Variants in PDZD2 observed in about 807,000 individuals in gnomAD.
PDZD2 encodes PDZ domain-containing protein 2.
Under a neutral mutation model 220.7 loss-of-function variants are expected in PDZD2, and 90 were observed. The ratio of observed to expected loss-of-function variants is 0.41; its 90% confidence interval spans 0.34 to 0.49. The LOEUF (loss-of-function observed/expected upper bound fraction) is 0.49. Ranked by LOEUF, PDZD2 falls within the 20% of genes least tolerant of loss-of-function variation. PDZD2 has a pLI of 0.28. For missense variants in PDZD2, 3,174 were observed against 3,608.5 expected (o/e 0.88, Z 3.08); for synonymous variants, 1,375 against 1,450.5 (o/e 0.95, Z 1.18).
intron 2 of PDZD2, among the ~76,000 whole-genome samples, chr5:31,850,204 G>GTA (rs1757951438): frequency 1.1e-5 from 1 of 91,216 alleles, no homozygotes; most frequent in South Asian, 3.3e-4. Context: ...GTATATATAA[G>GTA]TATATATGTG....
Position 32,087,474 on chromosome 5 carries a change from A to G in PDZD2, c.4026A>G (p.Gly1342=), listed in dbSNP as rs752422605. The G allele has an allele frequency of 2.2e-5, 35 of 1,613,600 alleles. No individual in the cohort carries two copies. The Admixed American group carries it at 5.8e-4, about 27-fold the overall frequency. The part of the protein sequence containing the change: ...GMTPAGAVLP[G]DPLTSQEQRQ... ...CACCAGCTGGTGCTGTCCTGCCAGG[A>G]GACCCCCTCACATCCCAGGAGCAGA... Residue 1342 remains glycine, a synonymous_variant, in exon 20 of 25, where the codon GGA becomes GGG. Coordinates refer to ENST00000438447, the MANE Select transcript of PDZD2 (RefSeq NM_178140.4). The surrounding 1 kb of genome is among the most constrained non-coding windows in gnomAD (Gnocchi z 4.0).
At chr5:31,821,432 G>A (rs927508000) in intron 2 of PDZD2, among the ~76,000 whole-genome samples, 1 of 151,408 alleles carries the variant, frequency 6.6e-6, no homozygotes. Context: ...CAAGGCTGAA[G>A]TGCAATGGCG....
chr5:31,695,622 C>G (rs532605210), intron 1 of PDZD2, among the ~76,000 whole-genome samples: 2 of 152,294 alleles, frequency 1.3e-5, no homozygotes, highest in Admixed American at 1.3e-4. Flanking sequence ...ATTTTGTGCC[C>G]AAGGCCCTCT....
chr5:31,643,465 A>G (rs1253469927), intron 1 of PDZD2, among the ~76,000 whole-genome samples: 1 of 152,164 alleles, frequency 6.6e-6, no homozygotes, highest in Non-Finnish European at 1.5e-5. Context: ...TCTGTCCTCC[A>G]TGGTTTGGAA....
intron 1 of PDZD2, among the ~76,000 whole-genome samples, chr5:31,769,078 T>C (rs999891120): frequency 1.3e-5 from 2 of 152,162 alleles, no homozygotes; most frequent in African/African-American, 4.8e-5. Flanking sequence ...GAGACGATGC[T>C]CAGGACGCTG....
At chr5:32,091,278 ACTT>A in intron 20 of PDZD2, 103 bp downstream of exon 20, 14 of 539,550 alleles carry the variant, frequency 2.6e-5, no homozygotes, top group South Asian at 5.0e-5. Flanking sequence ...GTTCCCACTT[ACTT>A]TTTTTTTTTT....
chr5:31,791,203 C>T (rs1753702864), intron 1 of PDZD2, among the ~76,000 whole-genome samples: 1 of 152,114 alleles, frequency 6.6e-6, no homozygotes, highest in South Asian at 2.1e-4. Context: ...ATTGCAGACT[C>T]AATGTCAAGA....
intron 2 of PDZD2, among the ~76,000 whole-genome samples, chr5:31,898,808 C>CTTTTTTTTTTTTTTTTTTTTTT (rs35589628): frequency 1.1e-3 from 132 of 123,406 alleles, no homozygotes; most frequent in Non-Finnish European, 1.5e-3. Context: ...AGCCTCTCTT[C>CTTTTTTTTTTTTTTTTTTTTTT]TTTTTTTTTT....
rs201839914 is a variant in PDZD2 at position 32,074,009 on chromosome 5, A to T, written c.2903A>T (p.Asn968Ile). The change falls in exon 18 of 25, where the codon AAC becomes ATC. Residue 968 changes from asparagine (N) to isoleucine (I), a missense_variant. Physicochemically the swap from Asn to Ile is moderately radical, Grantham distance 149. Coordinates refer to ENST00000438447, the MANE Select transcript of PDZD2 (RefSeq NM_178140.4). Reference protein sequence around the residue: ...RQRKVGCYDANDASDEEEFDR... With the variant: ...RQRKVGCYDAIDASDEEEFDR... ...AGGAAGGTAGGCTGCTACGATGCCA[A>T]CGATGCCAGTGATGAGGAAGAGTTT... 6.2e-7 allele frequency: 1 copy of T among 1,614,202 alleles called. No individual in the cohort carries two copies. Among genetic ancestry groups the T allele is most frequent in the Non-Finnish European group, 8.5e-7 (1 of 1,180,022 alleles).
chr5:31,927,864 C>T (rs1744933342), intron 2 of PDZD2, among the ~76,000 whole-genome samples: 1 of 152,118 alleles, frequency 6.6e-6, no homozygotes, highest in South Asian at 2.1e-4. Context: ...GTCTAGGACC[C>T]AAGTCACTGG....
In PDZD2 at chr5:32,087,813, T is replaced by C; in HGVS notation, c.4365T>C (p.Ser1455=). 6.2e-7 allele frequency: 1 copy of C among 1,612,892 alleles called. No individual in the cohort carries two copies. ...GGGACAGTGGCTCTCAGGAGGGCAG[T>C]GCTCAGGGCCACCCACCAGCCGGGG... ...QTGDSGSQEG[S]AQGHPPAGAG... is the part of the protein sequence containing the mutation. The change falls in exon 20 of 25, where the codon AGT becomes AGC. Residue 1455 remains serine, a synonymous_variant. Transcript: ENST00000438447. The surrounding 1 kb of genome is among the most constrained non-coding windows in gnomAD (Gnocchi z 4.0).
At chr5:31,850,193 T>TAA (rs1554082905) in intron 2 of PDZD2, among the ~76,000 whole-genome samples, 3 of 128,228 alleles carry the variant, frequency 2.3e-5, no homozygotes, top group Admixed American at 1.8e-4. Context: ...TAAGTATATA[T>TAA]GTATATATAA....
At chr5:31,744,032 C>G (rs1208500719) in intron 1 of PDZD2, 1 of 152,228 alleles carries the variant, frequency 6.6e-6, no homozygotes, top group Non-Finnish European at 1.5e-5. Flanking sequence ...CAAGTAACTT[C>G]TTACTAATGT....
intron 1 of PDZD2, among the ~76,000 whole-genome samples, chr5:31,710,817 GAAA>G (rs61278404): frequency 7.6e-4 from 107 of 140,228 alleles, no homozygotes; most frequent in Middle Eastern, 3.7e-3. Context: ...ACTCCGTCTT[GAAA>G]AAAAAAAAAA....
Position 32,087,346 on chromosome 5 carries a change from C to G in PDZD2, c.3898C>G (p.Pro1300Ala). The change falls in exon 20 of 25, where the codon CCT (proline) becomes GCT (alanine). Residue 1300 changes from proline to alanine, a missense_variant. By Grantham distance (27) the Pro-to-Ala change is conservative. Around this residue, in one of 4 missense-constraint regions of PDZD2, gnomAD observed 1,861 missense variants for 2,001.0 expected, o/e 0.93. Coordinates refer to ENST00000438447, the MANE Select transcript of PDZD2 (RefSeq NM_178140.4). The surrounding 1 kb of genome is among the most constrained non-coding windows in gnomAD (Gnocchi z 4.0). ...CCCGGGGGAGAAAGCAGCGGCTCCC[C>G]CTGACTACAGCAAGACTCGATCAGC... ...PSPGEKAAAP[P>A]DYSKTRSASE... The G allele has an allele frequency of 6.2e-7, 1 of 1,614,118 alleles. No individual in the cohort carries two copies. The highest frequency in any genetic ancestry group is 1.1e-5 in the South Asian group (1 of 91,082).
At chr5:31,872,142 GGTGTGTGTGT>G (rs55806241) in intron 2 of PDZD2, among the ~76,000 whole-genome samples, 1 of 147,676 alleles carries the variant, frequency 6.8e-6, no homozygotes, top group Non-Finnish European at 1.5e-5. Flanking sequence ...TAAGGTGAGT[GGTGTGTGTGT>G]GTGTGTGTGT....
At chr5:31,972,288 A>AT (rs1749372249) in intron 2 of PDZD2, among the ~76,000 whole-genome samples, 1 of 151,934 alleles carries the variant, frequency 6.6e-6, no homozygotes, top group Non-Finnish European at 1.5e-5. Context: ...TAATTTTTGT[A>AT]TTTTTTATAG....
intron 1 of PDZD2, among the ~76,000 whole-genome samples, chr5:31,707,265 C>T (rs938720765): frequency 1.3e-5 from 2 of 151,876 alleles, no homozygotes; most frequent in Non-Finnish European, 2.9e-5. Context: ...AACAAACCTG[C>T]ATGTTGTGCA....
intron 2 of PDZD2, among the ~76,000 whole-genome samples, chr5:31,873,697 C>T (rs569657538): frequency 2.7e-5 from 4 of 148,598 alleles, no homozygotes; most frequent in South Asian, 2.2e-4. Flanking sequence ...CCACTGCACC[C>T]GGCCAGAAAT....
Sources: allele counts gnomAD v4.1 joint callset (sites outside exome capture counted in the v4.1 genomes callset), GRCh38; gene constraint gnomAD v4.1.1; regional missense constraint gnomAD v4.1.1; non-coding constraint Gnocchi (gnomAD v3.1); transcripts MANE v1.5; gene names NCBI Gene and HGNC (gene_info 2026-07-23, HGNC 2026-07-21).